CREBZF: variants seen among roughly 807,000 people sequenced by gnomAD.
The protein encoded by CREBZF is CREB/ATF bZIP transcription factor.
CREBZF carries 8 observed loss-of-function variants against 21.1 expected under a neutral mutation model. The observed-to-expected ratio is 0.38, with a 90% CI of 0.22 to 0.68. The LOEUF (loss-of-function observed/expected upper bound fraction) is 0.68. Among genes scored for constraint, CREBZF ranks in the 30% least tolerant of loss-of-function variants. CREBZF has a pLI of 0.51. For synonymous variants in CREBZF, 270 were observed against 223.3 expected (o/e 1.21, Z -1.86); for missense variants, 518 against 484.3 (o/e 1.07, Z -0.65).
chr11:85,667,540 C>A (rs1005852427), upstream of CREBZF, among the ~76,000 whole-genome samples: 5 of 152,258 alleles, frequency 3.3e-5, no homozygotes, highest in South Asian at 6.2e-4. Context: ...TATGTGAATT[C>A]TTTACATTAT....
chr11:85,668,529 A>G (rs1216643226), upstream of CREBZF, among the ~76,000 whole-genome samples: 1 of 152,152 alleles, frequency 6.6e-6, no homozygotes. Context: ...CTTATACATA[A>G]TAACTCTTTT....
upstream of CREBZF, among the ~76,000 whole-genome samples, chr11:85,669,401 TACACACACACACAC>T (rs61173351): frequency 1.8e-3 from 273 of 148,896 alleles, 2 homozygotes; most frequent in Admixed American, 3.2e-3. Context: ...TCAGTCATTC[TACACACACACACAC>T]ACACACACAC....
chr11:85,674,316 A>G (rs1243822729), intron 1 of CREBZF, among the ~76,000 whole-genome samples: 2 of 152,252 alleles, frequency 1.3e-5, no homozygotes, highest in African/African-American at 4.8e-5. Context: ...AATCTTAATT[A>G]CAGCTCTTGA....
rs2082612043 is a variant in CREBZF, at chr11:85,659,422, G to A, written c.*4389C>T. 6.6e-6 allele frequency among the ~76,000 whole-genome samples: 1 copy of A among 152,058 alleles called. No homozygotes were observed. Among genetic ancestry groups the A allele is most frequent in the South Asian group, 2.1e-4 (1 of 4,828 alleles). On this transcript the variant is annotated 3_prime_UTR_variant, in exon 1 of 1. Transcript: ENST00000527447. The stretch of plus-strand genomic sequence containing the variant: ...TTCTGGAATTATAACTAGCTGTACT[G>A]TAGGAGCATCAGCGCCTAAGTTTTA...
chr11:85,672,391 G>A (rs1052099912), intron 1 of CREBZF, among the ~76,000 whole-genome samples: 5 of 152,198 alleles, frequency 3.3e-5, no homozygotes, highest in African/African-American at 7.2e-5. Context: ...GTTGCTCTTC[G>A]TTACTTATGC....
chr11:85,661,165 A>T lies in CREBZF; in HGVS notation c.*2646T>A, dbSNP rs1167137525. The T allele has an allele frequency of 6.6e-6, 1 of 152,648 alleles. No individual in the cohort carries two copies. Among genetic ancestry groups the T allele is most frequent in the Non-Finnish European group, 1.5e-5 (1 of 68,016 alleles). The allele number at this position is 152,648 out of a possible 1,614,324, so 9.5% of individuals were successfully genotyped here. A position where few individuals can be genotyped will look rare whatever the true frequency, so the allele number is the denominator to read the frequency against. On this transcript the variant is annotated 3_prime_UTR_variant, in exon 1 of 1. Coordinates refer to ENST00000527447, the MANE Select transcript of CREBZF (RefSeq NM_001039618.4). Reference sequence around the variant, plus strand: ...GAAATAAACAGATCTGTTTAAATTCAGAAACCCAAACATTTACAGTAAAAT... The same window carrying T: ...GAAATAAACAGATCTGTTTAAATTCTGAAACCCAAACATTTACAGTAAAAT...
chr11:85,662,946 A>G lies in CREBZF; in HGVS notation c.*865T>C, dbSNP rs1343848106. The G allele has an allele frequency of 1.9e-5, 3 of 156,974 alleles. No homozygotes were observed. The highest frequency in any genetic ancestry group is 6.3e-5 in the Admixed American group (1 of 15,954). 9.7% of individuals were successfully genotyped at this position (156,974 alleles called of 1,614,324 possible). On this transcript the variant is annotated 3_prime_UTR_variant, in exon 1 of 1. Transcript: ENST00000527447. ...AGTCTCATATGTATGTTAATTTCCA[A>G]CTTCTCTAATGGTGAGACATTAAAA...
In CREBZF at chr11:85,660,510, G is replaced by A. The variant is rs1203013598; in HGVS notation, c.*3301C>T. 30 of 412,634 alleles carry A rather than the reference G, an allele frequency of 7.3e-5. No individual in the cohort carries two copies. The Middle Eastern group carries it at 2.4e-3, about 34-fold the overall frequency. The allele number at this position is 412,634 out of a possible 1,614,324, so 25.6% of individuals were successfully genotyped here. On this transcript the variant is annotated 3_prime_UTR_variant, in exon 1 of 1. Coordinates refer to ENST00000527447, the MANE Select transcript of CREBZF (RefSeq NM_001039618.4). The stretch of plus-strand genomic sequence containing the variant: ...TTCAGCAGATGCCAAATTTTTGACC[G>A]ACATGGTTCTCACAATTACTTTGTT...
intron 1 of CREBZF, among the ~76,000 whole-genome samples, chr11:85,673,073 G>A (rs75753044): frequency 6.6e-6 from 1 of 152,128 alleles, no homozygotes; most frequent in Non-Finnish European, 1.5e-5. Context: ...AATATAGTTT[G>A]CTTTTGTGTT....
At chr11:85,677,393 C>T (rs145131238) in intron 1 of CREBZF, among the ~76,000 whole-genome samples, 24 of 152,318 alleles carry the variant, frequency 1.6e-4, no homozygotes, top group African/African-American at 4.8e-4. Context: ...TTGACTTAAT[C>T]GGGATCCAAA....
chr11:85,675,333 A>C (rs970497332), intron 1 of CREBZF, among the ~76,000 whole-genome samples: 2 of 152,198 alleles, frequency 1.3e-5, no homozygotes, highest in African/African-American at 4.8e-5. Flanking sequence ...TCACTTGAAC[A>C]CTTAGAGGCC....
At chr11:85,667,354 C>G (rs550670879), upstream of CREBZF, among the ~76,000 whole-genome samples, 1 of 152,198 alleles carries the variant, frequency 6.6e-6, no homozygotes, top group Non-Finnish European at 1.5e-5. Flanking sequence ...ATTGCAGGCG[C>G]AAGCCACTGC....
chr11:85,664,963 C>G lies in CREBZF; in HGVS notation c.-88G>C. ...GATCCCAGGCCCCAGGGCGGGTAGCCCCCGGCACTGGCCGAAACGAAATGC... is the reference window on the plus strand; with the variant it reads ...GATCCCAGGCCCCAGGGCGGGTAGCGCCCGGCACTGGCCGAAACGAAATGC... On this transcript the variant is annotated 5_prime_UTR_variant, in exon 1 of 1. Transcript: ENST00000527447. The surrounding 1 kb of genome is among the most constrained non-coding windows in gnomAD (Gnocchi z 5.5). The G allele has an allele frequency of 1.0e-6, 1 of 959,696 alleles. No individual in the cohort carries two copies. Among genetic ancestry groups the G allele is most frequent in the Non-Finnish European group, 1.4e-6 (1 of 703,272 alleles). 59.4% of individuals were successfully genotyped at this position (959,696 alleles called of 1,614,324 possible).
In CREBZF at chr11:85,664,432, G is replaced by C. The variant is rs1210076877; in HGVS notation, c.444C>G (p.Asp148Glu). ...DSGGLWRGDD[D>E]DEAAAAEMQR... Reference sequence around the variant, plus strand: ...GCATTTCAGCAGCCGCGGCCTCATCGTCATCGTCCCCTCTCCACAGGCCGC... The same window carrying C: ...GCATTTCAGCAGCCGCGGCCTCATCCTCATCGTCCCCTCTCCACAGGCCGC... Residue 148 changes from aspartate to glutamate, a missense_variant, in exon 1 of 1, where the codon GAC (aspartate) becomes GAG (glutamate). Physicochemically the swap from Asp to Glu is conservative, Grantham distance 45. Transcript: ENST00000527447. This position sits in a 1 kb window ranked among gnomAD's most constrained non-coding sequence, Gnocchi z 5.5. The C allele has an allele frequency of 1.9e-6, 3 of 1,613,612 alleles. No homozygotes were observed. The highest frequency in any genetic ancestry group is 2.5e-6 in the Non-Finnish European group (3 of 1,180,004).
rs148687262 is a variant in CREBZF at position 85,670,547 on chromosome 11, C to T, written n.148-6946G>A. Among the ~76,000 whole-genome samples the T allele has an allele frequency of 4.8e-3, 735 of 152,154 alleles. 6 individuals carry two copies. Among genetic ancestry groups the T allele is most frequent in the African/African-American group, 0.017 (694 of 41,504 alleles). On this transcript the variant is annotated intron_variant and non_coding_transcript_variant, in intron 1 of 3. Coordinates refer to the CREBZF transcript ENST00000531515. The stretch of plus-strand genomic sequence containing the variant: ...TCGATCTCCTGACCTCGTGATCCAC[C>T]CGCCTCGGCCTTCCAAAGTGCTGGA...
intron 1 of CREBZF, among the ~76,000 whole-genome samples, chr11:85,681,256 A>G (rs1473590216): frequency 1.3e-5 from 2 of 152,220 alleles, no homozygotes; most frequent in Non-Finnish European, 2.9e-5. Flanking sequence ...CTCAGCCCAC[A>G]GCTACCTCAT....
At chr11:85,682,619 A>G (rs1177433783) in intron 1 of CREBZF, 2 of 158,644 alleles carry the variant, frequency 1.3e-5, no homozygotes, top group Non-Finnish European at 2.3e-5. Flanking sequence ...CCCCAACGCG[A>G]TCTTCCAGAC....
chr11:85,670,281 C>CA (rs369212741), intron 1 of CREBZF, among the ~76,000 whole-genome samples: 1 of 99,492 alleles, frequency 1.0e-5, no homozygotes, highest in Non-Finnish European at 2.0e-5. Flanking sequence ...CCCCCCCCCC[C>CA]ACAATAAGAT....
At chr11:85,670,330 A>G (rs1285974651) in intron 1 of CREBZF, among the ~76,000 whole-genome samples, 2 of 2,242 alleles carry the variant, frequency 8.9e-4, no homozygotes, top group Non-Finnish European at 1.4e-3. Context: ...TTTGAGACGG[A>G]GTCTCGCTCT....
Sources: gnomAD v4.1 joint callset for allele counts (sites outside exome capture counted in the v4.1 genomes callset) on GRCh38, gnomAD v4.1.1 for gene constraint, Gnocchi (gnomAD v3.1) non-coding constraint, MANE v1.5 for transcripts, NCBI Gene and HGNC (gene_info 2026-07-23, HGNC 2026-07-21) for gene names.